SLC25A17: variants seen among roughly 807,000 people sequenced by gnomAD.
SLC25A17 encodes the protein solute carrier family 25 member 17.
A neutral mutation model predicts 38.5 loss-of-function variants in SLC25A17; 26 were observed. The observed-to-expected ratio is 0.68, with a 90% CI of 0.50 to 0.94. SLC25A17 has a LOEUF of 0.94. SLC25A17 is among the 40% of genes least tolerant of loss of function. The pLI, the probability that SLC25A17 is intolerant of heterozygous loss-of-function variation, is 0.00. For missense variants in SLC25A17, 333 were observed against 372.7 expected (o/e 0.89, Z 0.88); for synonymous variants, 139 against 136.2 (o/e 1.02, Z -0.14).
At chr22:40,817,922 A>G (rs761733572) in intron 1 of SLC25A17, among the ~76,000 whole-genome samples, 8 of 152,054 alleles carry the variant, frequency 5.3e-5, no homozygotes, top group Non-Finnish European at 1.2e-4. Flanking sequence ...GCTGGCTGAA[A>G]GGCTCTTCTG....
Position 40,774,027 on chromosome 22 carries a change from AAG to A in SLC25A17, c.694-10_694-9del, listed in dbSNP as rs770088185. ...TAGTCTATGACGCCCAAACTGAGGA[AAG>A]AGGGAAAAAAAACAAAAGTACTGTT... On this transcript the variant is annotated splice_polypyrimidine_tract_variant and intron_variant, in intron 7 of 8. Coordinates refer to ENST00000435456, the MANE Select transcript of SLC25A17 (RefSeq NM_006358.4). 1 of 1,598,438 alleles carries A rather than the reference AAG, an allele frequency of 6.3e-7. No homozygotes were observed. Among genetic ancestry groups the A allele is most frequent in the South Asian group, 1.1e-5 (1 of 90,496 alleles).
In SLC25A17 at chr22:40,770,168, A is replaced by G. The variant is rs1308000504; in HGVS notation, c.*666T>C. 2 of 152,260 alleles carry G rather than the reference A, an allele frequency of 1.3e-5. No homozygotes were observed. The highest frequency in any genetic ancestry group is 1.3e-4 in the Admixed American group (2 of 15,286). 9.4% of individuals were successfully genotyped at this position (152,260 alleles called of 1,614,324 possible). ...ACTTCAAGTCTTTCGTAATGAAAGG[A>G]TTGATTCAAAATAAATATTCTAAAA... is the stretch of plus-strand genomic sequence containing the variant. On this transcript the variant is annotated 3_prime_UTR_variant, in exon 9 of 9. Coordinates refer to ENST00000435456, the MANE Select transcript of SLC25A17 (RefSeq NM_006358.4).
In SLC25A17 at chr22:40,813,206, C is replaced by T. The variant is rs114009456; in HGVS notation, c.54+5989G>A. Among the ~76,000 whole-genome samples the T allele has an allele frequency of 1.3e-3, 199 of 152,156 alleles. 1 individual carries two copies. The highest frequency in any genetic ancestry group is 4.7e-3 in the African/African-American group (194 of 41,526). On this transcript the variant is annotated intron_variant, in intron 1 of 8. Transcript: ENST00000435456. The stretch of plus-strand genomic sequence containing the variant: ...ATTTCCTCATTTGTAATTTTGAGAC[C>T]GGTATTTGTCAAGGTTGCTATGAGA...
At chr22:40,803,434 TTAACA>T (rs1467879857) in intron 1 of SLC25A17, among the ~76,000 whole-genome samples, 1 of 152,250 alleles carries the variant, frequency 6.6e-6, no homozygotes, top group East Asian at 1.9e-4. Flanking sequence ...CTTACTTCAC[TTAACA>T]TAATATTTAT....
intron 1 of SLC25A17, among the ~76,000 whole-genome samples, chr22:40,811,911 C>A (rs1051730644): frequency 6.6e-6 from 1 of 151,864 alleles, no homozygotes; most frequent in African/African-American, 2.4e-5. Context: ...AGGGGTCAAA[C>A]ATCCAAACTG....
At chr22:40,798,749 C>T (rs1365415296) in intron 2 of SLC25A17, among the ~76,000 whole-genome samples, 2 of 150,310 alleles carry the variant, frequency 1.3e-5, no homozygotes, top group African/African-American at 4.9e-5. Flanking sequence ...AGGAGATCAC[C>T]TGAGATGAGG....
At chr22:40,790,772 G>A (rs2057378774) in intron 4 of SLC25A17, among the ~76,000 whole-genome samples, 1 of 152,196 alleles carries the variant, frequency 6.6e-6, no homozygotes, top group African/African-American at 2.4e-5. Context: ...AAAGTTATAT[G>A]AGTTAGTCCC....
chr22:40,774,284 C>T (rs375990484), intron 7 of SLC25A17, among the ~76,000 whole-genome samples: 24 of 150,152 alleles, frequency 1.6e-4, no homozygotes, highest in Non-Finnish European at 3.1e-4. Context: ...AGTGCAATGG[C>T]ACAATTTTGG....
At chr22:40,781,189 GA>G (rs957524107) in intron 4 of SLC25A17, among the ~76,000 whole-genome samples, 6 of 147,906 alleles carry the variant, frequency 4.1e-5, no homozygotes, top group African/African-American at 1.2e-4. Context: ...AAAGAAAAAA[GA>G]AAAAAAAATC....
Position 40,809,943 on chromosome 22 carries a change from T to C in SLC25A17, c.54+9252A>G, listed in dbSNP as rs555369564. On this transcript the variant is annotated intron_variant, in intron 1 of 8. Transcript: ENST00000435456. ...AATACCTCCAGGAAGCTATATATTA[T>C]ATAGGATATTAATTATATCCTACAA... 9.2e-5 allele frequency among the ~76,000 whole-genome samples: 14 copies of C among 152,320 alleles called. No homozygotes were observed. In the South Asian group the frequency reaches 2.9e-3, roughly 32 times the overall value.
At chr22:40,807,054 C>A (rs1056567748) in intron 1 of SLC25A17, among the ~76,000 whole-genome samples, 2 of 152,168 alleles carry the variant, frequency 1.3e-5, no homozygotes, top group Non-Finnish European at 2.9e-5. Flanking sequence ...TCAAGGTTCA[C>A]CCATCTTGTA....
At chr22:40,790,424 T>A (rs1253275021) in intron 4 of SLC25A17, among the ~76,000 whole-genome samples, 4 of 150,548 alleles carry the variant, frequency 2.7e-5, no homozygotes, top group Non-Finnish European at 1.5e-5. Flanking sequence ...ATTTATTATA[T>A]GTGTTACTTT....
chr22:40,776,952 T>C (rs2057249217), intron 7 of SLC25A17, 88 bp downstream of exon 7: 1 of 1,133,508 alleles, frequency 8.8e-7, no homozygotes, highest in Non-Finnish European at 1.3e-6. Flanking sequence ...CTAACTGCTT[T>C]ATTGCTTTAT....
chr22:40,801,433 C>T (rs1341083218), intron 1 of SLC25A17, among the ~76,000 whole-genome samples: 1 of 151,918 alleles, frequency 6.6e-6, no homozygotes, highest in East Asian at 1.9e-4. Flanking sequence ...TGAGAGCATT[C>T]TTTCTATATC....
At chr22:40,805,766 T>A (rs532199734) in intron 1 of SLC25A17, among the ~76,000 whole-genome samples, 1 of 152,330 alleles carries the variant, frequency 6.6e-6, no homozygotes, top group South Asian at 2.1e-4. Context: ...CACTTTGATT[T>A]TAACTCTGTG....
intron 3 of SLC25A17, among the ~76,000 whole-genome samples, chr22:40,793,012 G>T (rs1345384623): frequency 7.3e-5 from 11 of 151,564 alleles, no homozygotes; most frequent in Admixed American, 7.2e-4. Flanking sequence ...TTATTACAGG[G>T]CAAGAACAGT....
chr22:40,793,425 G>A (rs548753975), intron 3 of SLC25A17, among the ~76,000 whole-genome samples: 2 of 152,258 alleles, frequency 1.3e-5, no homozygotes, highest in African/African-American at 4.8e-5. Context: ...AAAAGTAATT[G>A]CACAGTGGCT....
Position 40,794,558 on chromosome 22 carries a change from T to G in SLC25A17, c.138A>C (p.Lys46Asn). ...RLQVDEKRKS[K>N]TTHMVLLEII... ...TCTCCAGGAGCACCATGTGTGTAGT[T>G]TTGGATTTTCTTTTCTCATCAACTA... Residue 46 changes from lysine to asparagine, a missense_variant, in exon 3 of 9, where the codon AAA becomes AAC. By Grantham distance (94) the Lys-to-Asn change is moderately conservative. Transcript: ENST00000435456. The G allele has an allele frequency of 6.2e-7, 1 of 1,611,468 alleles. No homozygotes were observed.
chr22:40,818,728 G>C (rs755506549), intron 1 of SLC25A17, among the ~76,000 whole-genome samples: 3 of 148,166 alleles, frequency 2.0e-5, no homozygotes, highest in Non-Finnish European at 3.0e-5. Context: ...AAAAAAAAAG[G>C]ATCTATCTTC....
Sources: gnomAD v4.1 joint callset for allele counts (sites outside exome capture counted in the v4.1 genomes callset) on GRCh38, gnomAD v4.1.1 for gene constraint, MANE v1.5 for transcripts, NCBI Gene and HGNC (gene_info 2026-07-23, HGNC 2026-07-21) for gene names.